GALNT18: variants seen among roughly 807,000 people sequenced by gnomAD.
GALNT18 encodes the protein polypeptide N-acetylgalactosaminyltransferase 18, also known as GalNAc-transferase 18.
In GALNT18, 44 loss-of-function variants were observed where a neutral mutation model predicts 69.5. The ratio of observed to expected loss-of-function variants is 0.63; its 90% CI spans 0.50 to 0.81. The LOEUF is 0.81. GALNT18 is among the 40% of genes least tolerant of loss of function. The pLI, the probability that GALNT18 is intolerant of heterozygous loss-of-function variation, is 0.00. For missense variants in GALNT18, 715 were observed against 810.0 expected (o/e 0.88, Z 1.42); for synonymous variants, 364 against 318.2 (o/e 1.14, Z -1.53).
rs1589934033 is a variant in GALNT18, at chr11:11,356,909, G to A, written c.1092+15606C>T. 6.6e-6 allele frequency among the ~76,000 whole-genome samples: 1 copy of A among 152,090 alleles called. No homozygotes were observed. The highest frequency in any genetic ancestry group is 1.5e-5 in the Non-Finnish European group (1 of 68,028). On this transcript the variant is annotated intron_variant, in intron 6 of 10. Coordinates refer to ENST00000227756, the MANE Select transcript of GALNT18 (RefSeq NM_198516.3). This position sits in a 1 kb window ranked among gnomAD's most constrained non-coding sequence, Gnocchi z 4.4. ...TCACTAACCATAAAACTTTTACAAC[G>A]TACTTTTAAACTGCGTCTACTCAGC... is the stretch of plus-strand genomic sequence containing the variant.
At chr11:11,429,631 C>CAG (rs56342555) in intron 3 of GALNT18, among the ~76,000 whole-genome samples, 7 of 151,584 alleles carry the variant, frequency 4.6e-5, no homozygotes, top group Non-Finnish European at 8.8e-5. Flanking sequence ...CTCCATTTTC[C>CAG]AGAGAGAGAG....
chr11:11,417,285 A>G lies in GALNT18; in HGVS notation c.595+15336T>C, dbSNP rs979417768. Among the ~76,000 whole-genome samples the G allele has an allele frequency of 7.5e-4, 115 of 152,330 alleles. 1 individual carries two copies. Among genetic ancestry groups the G allele is most frequent in the African/African-American group, 2.7e-3 (112 of 41,576 alleles). ...TGTGCACACAGTGAAGGAAAGTTGCACAGAGGAGTGGCTAATTCAGCCTAT... is the reference window on the plus strand; with the variant it reads ...TGTGCACACAGTGAAGGAAAGTTGCGCAGAGGAGTGGCTAATTCAGCCTAT... On this transcript the variant is annotated intron_variant, in intron 3 of 10. Transcript: ENST00000227756.
intron 1 of GALNT18, among the ~76,000 whole-genome samples, chr11:11,550,348 A>G (rs1013925827): frequency 3.3e-5 from 5 of 152,150 alleles, no homozygotes; most frequent in African/African-American, 7.2e-5. Flanking sequence ...AGGGGATCTC[A>G]AGGCAGTCCC....
Position 11,325,967 on chromosome 11 carries a change from C to T in GALNT18, c.1512+1119G>A, listed in dbSNP as rs150740659. ...CATGATGTCCTTCAGTTGTGTGTTTCGGTAGGCAATAGCTCTTTTAAACCC... is the reference window on the plus strand; with the variant it reads ...CATGATGTCCTTCAGTTGTGTGTTTTGGTAGGCAATAGCTCTTTTAAACCC... On this transcript the variant is annotated intron_variant, in intron 9 of 10. Coordinates refer to ENST00000227756, the MANE Select transcript of GALNT18 (RefSeq NM_198516.3). Among the ~76,000 whole-genome samples, 566 of 151,500 alleles carry T rather than the reference C, an allele frequency of 3.7e-3. 2 individuals carry two copies. The highest frequency in any genetic ancestry group is 0.026 in the South Asian group (125 of 4,758).
chr11:11,440,471 T>C (rs1855510746), intron 2 of GALNT18, among the ~76,000 whole-genome samples: 2 of 152,160 alleles, frequency 1.3e-5, no homozygotes, highest in South Asian at 4.1e-4. Flanking sequence ...GAAAGGCAGG[T>C]CCTGATAGAT....
intron 1 of GALNT18, among the ~76,000 whole-genome samples, chr11:11,525,048 A>G (rs1343235132): frequency 6.6e-6 from 1 of 152,204 alleles, no homozygotes; most frequent in Non-Finnish European, 1.5e-5. Context: ...TTGAAGAGAA[A>G]GGAGGGGATT....
rs920364054 is a variant in GALNT18, at chr11:11,543,836, C to T, written c.235+77523G>A. Among the ~76,000 whole-genome samples, 5 of 152,190 alleles carry T rather than the reference C, an allele frequency of 3.3e-5. No homozygotes were observed. The highest frequency in any genetic ancestry group is 3.3e-4 in the Admixed American group (5 of 15,276). ...TTATTGCTCCCATTTCTTCTTCTGGCGCTCTGGGCTCCAATGGCTTCTGGT... is the reference window on the plus strand; with the variant it reads ...TTATTGCTCCCATTTCTTCTTCTGGTGCTCTGGGCTCCAATGGCTTCTGGT... On this transcript the variant is annotated intron_variant, in intron 1 of 10. Coordinates refer to ENST00000227756, the MANE Select transcript of GALNT18 (RefSeq NM_198516.3). This position sits in a 1 kb window ranked among gnomAD's most constrained non-coding sequence, Gnocchi z 5.1.
intron 9 of GALNT18, among the ~76,000 whole-genome samples, chr11:11,297,652 T>C (rs142660801): frequency 3.6e-4 from 55 of 152,254 alleles, no homozygotes; most frequent in African/African-American, 1.3e-3. Flanking sequence ...GAATAAAAGA[T>C]GCTACAAAGT....
Position 11,459,668 on chromosome 11 carries a change from A to G in GALNT18, c.236-10732T>C, listed in dbSNP as rs1200444047. The stretch of plus-strand genomic sequence containing the variant: ...AGCTTGCTGTCGAATGTGGATAATA[A>G]TGTCTATGTCTAAGCTTGTTGCAAA... On this transcript the variant is annotated intron_variant, in intron 1 of 10. Coordinates refer to ENST00000227756, the MANE Select transcript of GALNT18 (RefSeq NM_198516.3). This position sits in a 1 kb window ranked among gnomAD's most constrained non-coding sequence, Gnocchi z 5.0. Among the ~76,000 whole-genome samples the G allele has an allele frequency of 6.6e-6, 1 of 152,184 alleles. No individual in the cohort carries two copies. Among genetic ancestry groups the G allele is most frequent in the African/African-American group, 2.4e-5 (1 of 41,454 alleles).
intron 10 of GALNT18, among the ~76,000 whole-genome samples, chr11:11,285,879 T>C (rs1849183020): frequency 1.3e-5 from 2 of 152,144 alleles, no homozygotes; most frequent in South Asian, 4.1e-4. Flanking sequence ...TTGCATCAAA[T>C]TATCAAATTA....
intron 9 of GALNT18, among the ~76,000 whole-genome samples, chr11:11,310,669 G>A (rs1849657544): frequency 6.6e-6 from 1 of 152,102 alleles, no homozygotes; most frequent in African/African-American, 2.4e-5. Flanking sequence ...TGATTTAGAG[G>A]GCCCAGCTCT....
chr11:11,400,891 C>T (rs995621609), intron 3 of GALNT18, among the ~76,000 whole-genome samples: 8 of 152,008 alleles, frequency 5.3e-5, no homozygotes, highest in Non-Finnish European at 7.3e-5. Context: ...TGAGTATGCA[C>T]CACTGAGTTA....
chr11:11,410,258 C>T (rs1359219741), intron 3 of GALNT18, among the ~76,000 whole-genome samples: 1 of 152,174 alleles, frequency 6.6e-6, no homozygotes, highest in Non-Finnish European at 1.5e-5. Context: ...TGTGCTGTCC[C>T]TCCTGGCAGC....
chr11:11,271,515 A>ACTAGGAG (rs1848827655), intron 10 of GALNT18, among the ~76,000 whole-genome samples: 1 of 150,396 alleles, frequency 6.6e-6, no homozygotes, highest in African/African-American at 2.4e-5. Context: ...CTAGTTCTTC[A>ACTAGGAG]CTAGGAGAGA....
At position 11,444,441 on chromosome 11, in the gene GALNT18, G is replaced by A. The variant is rs1855600839; in HGVS notation, c.428+4303C>T. On this transcript the variant is annotated intron_variant, in intron 2 of 10. Coordinates refer to ENST00000227756, the MANE Select transcript of GALNT18 (RefSeq NM_198516.3). This position sits in a 1 kb window ranked among gnomAD's most constrained non-coding sequence, Gnocchi z 4.4. The stretch of plus-strand genomic sequence containing the variant: ...GTTCCCATCTCAGTGTAAACTCCAG[G>A]AGATATCCGTCCGACGCTTTGTTGG... 6.6e-6 allele frequency among the ~76,000 whole-genome samples: 1 copy of A among 152,244 alleles called. No individual in the cohort carries two copies. The highest frequency in any genetic ancestry group is 1.5e-5 in the Non-Finnish European group (1 of 68,048).
intron 6 of GALNT18, among the ~76,000 whole-genome samples, chr11:11,343,254 A>G (rs1850243120): frequency 6.6e-6 from 1 of 152,130 alleles, no homozygotes; most frequent in Admixed American, 6.5e-5. Flanking sequence ...GGGTTGAGGC[A>G]GGAGGATCGC....
At position 11,314,844 on chromosome 11, in the gene GALNT18, C is replaced by T. The variant is rs1253868124; in HGVS notation, c.1512+12242G>A. Among the ~76,000 whole-genome samples the T allele has an allele frequency of 8.1e-6, 1 of 123,486 alleles. No homozygotes were observed. Among genetic ancestry groups the T allele is most frequent in the Non-Finnish European group, 1.9e-5 (1 of 51,476 alleles). 81.0% of individuals were successfully genotyped at this position (123,486 alleles called of 152,430 possible). A position where few individuals can be genotyped will look rare whatever the true frequency, so the allele number is the denominator to read the frequency against. ...CCAGCCTTCGCCGTGGGAGCAGTTGCTCCTGGCTGTGACATAGTAAAACCT... is the reference window on the plus strand; with the variant it reads ...CCAGCCTTCGCCGTGGGAGCAGTTGTTCCTGGCTGTGACATAGTAAAACCT... On this transcript the variant is annotated intron_variant, in intron 9 of 10. Coordinates refer to ENST00000227756, the MANE Select transcript of GALNT18 (RefSeq NM_198516.3). This position sits in a 1 kb window ranked among gnomAD's most constrained non-coding sequence, Gnocchi z 5.2.
At chr11:11,520,406 C>T (rs1241380583) in intron 1 of GALNT18, among the ~76,000 whole-genome samples, 1 of 152,198 alleles carries the variant, frequency 6.6e-6, no homozygotes, top group Non-Finnish European at 1.5e-5. Flanking sequence ...CCACTGCACC[C>T]GTCAGCCACA....
At chr11:11,489,823 G>T (rs771754217) in intron 1 of GALNT18, among the ~76,000 whole-genome samples, 16 of 152,128 alleles carry the variant, frequency 1.1e-4, no homozygotes, top group Non-Finnish European at 2.4e-4. Flanking sequence ...TTACAAATAG[G>T]AAACTGAGAC....
Sources: gnomAD v4.1 joint callset for allele counts (sites outside exome capture counted in the v4.1 genomes callset) on GRCh38, gnomAD v4.1.1 for gene constraint, Gnocchi (gnomAD v3.1) non-coding constraint, MANE v1.5 for transcripts, NCBI Gene and HGNC (gene_info 2026-07-23, HGNC 2026-07-21) for gene names.